Variants in FER observed in about 807,000 individuals in gnomAD.
FER encodes the protein tyrosine-protein kinase Fer.
In FER, 63 loss-of-function variants were observed where a neutral mutation model predicts 111.0. The observed-to-expected ratio is 0.57, with a 90% CI of 0.46 to 0.70. The LOEUF (loss-of-function observed/expected upper bound fraction) is 0.70, where lower values mean the gene tolerates loss of function less well. Among genes scored for constraint, FER ranks in the 30% least tolerant of loss-of-function variants. The pLI, the probability that FER is intolerant of heterozygous loss-of-function variation, is 0.00. For synonymous variants in FER, 327 were observed against 313.9 expected (o/e 1.04, Z -0.44); for missense variants, 914 against 954.0 (o/e 0.96, Z 0.55).
At chr5:108,765,201 C>T (rs1580418027) in intron 1 of FER, among the ~76,000 whole-genome samples, 2 of 151,984 alleles carry the variant, frequency 1.3e-5, no homozygotes, top group South Asian at 2.1e-4. Context: ...TTTGAAGTAA[C>T]GCAAGGAATA....
chr5:108,794,522 C>CCG (rs1326846102), intron 2 of FER, among the ~76,000 whole-genome samples: 1 of 25,948 alleles, frequency 3.9e-5, no homozygotes, highest in Non-Finnish European at 9.2e-5. Context: ...CTTGCCCCCT[C>CCG]CGCACCCCCC....
chr5:109,090,891 A>G (rs749569616), intron 16 of FER, among the ~76,000 whole-genome samples: 11 of 152,190 alleles, frequency 7.2e-5, no homozygotes, highest in Non-Finnish European at 1.3e-4. Context: ...GGGATTTTCA[A>G]AGGATAAAAG....
intron 17 of FER, among the ~76,000 whole-genome samples, chr5:109,102,348 C>A (rs1166663151): frequency 6.6e-6 from 1 of 152,068 alleles, no homozygotes. Flanking sequence ...ACATCTTGAA[C>A]AATGTCAGTG....
At chr5:109,079,902 G>T (rs1343410901) in intron 16 of FER, among the ~76,000 whole-genome samples, 1 of 152,046 alleles carries the variant, frequency 6.6e-6, no homozygotes, top group East Asian at 1.9e-4. Context: ...TGCTTTTCTA[G>T]CAGTTTCTGA....
intron 17 of FER, among the ~76,000 whole-genome samples, chr5:109,113,338 G>A (rs1009619039): frequency 2.6e-5 from 4 of 151,988 alleles, no homozygotes; most frequent in African/African-American, 9.7e-5. Flanking sequence ...ATACAGAAAA[G>A]GTGTAGACTA....
chr5:108,924,627 G>T, intron 10 of FER: 3 of 1,231,394 alleles, frequency 2.4e-6, no homozygotes, highest in Non-Finnish European at 3.0e-6. Context: ...ACTTCCTTGG[G>T]CCCACTGTCA....
At chr5:108,993,610 A>C (rs183226977) in intron 13 of FER, among the ~76,000 whole-genome samples, 75 of 107,468 alleles carry the variant, frequency 7.0e-4, no homozygotes, top group African/African-American at 1.8e-3. Flanking sequence ...AGGGCGAGGG[A>C]GAGGGCAAGG....
At chr5:109,022,732 CAAAT>C (rs1339880093) in intron 13 of FER, among the ~76,000 whole-genome samples, 11 of 152,072 alleles carry the variant, frequency 7.2e-5, no homozygotes, top group African/African-American at 2.6e-4. Context: ...TAGAGGAAAA[CAAAT>C]AAGTTTTAAC....
chr5:108,817,193 C>T (rs1021351465), intron 3 of FER, among the ~76,000 whole-genome samples: 6 of 143,228 alleles, frequency 4.2e-5, no homozygotes, highest in Admixed American at 1.5e-4. Flanking sequence ...CCAGGGAAAC[C>T]GTGAAGCTTT....
chr5:109,035,721 C>T (rs529187707), intron 13 of FER, among the ~76,000 whole-genome samples: 10 of 152,228 alleles, frequency 6.6e-5, no homozygotes, highest in East Asian at 1.9e-4. Flanking sequence ...TTTTCCCAAA[C>T]GCAAAAATGC....
At chr5:108,964,800 C>A (rs1759589376) in intron 13 of FER, among the ~76,000 whole-genome samples, 1 of 151,866 alleles carries the variant, frequency 6.6e-6, no homozygotes, top group Non-Finnish European at 1.5e-5. Context: ...TAGAATAGGC[C>A]ATCCAAATAA....
At chr5:108,997,651 C>T (rs973475530) in intron 13 of FER, among the ~76,000 whole-genome samples, 8 of 152,088 alleles carry the variant, frequency 5.3e-5, no homozygotes, top group African/African-American at 1.4e-4. Context: ...AGCAGAGCTC[C>T]GGTGCTGTGC....
chr5:108,954,026 A>T (rs1427408102), intron 11 of FER, among the ~76,000 whole-genome samples: 1 of 152,118 alleles, frequency 6.6e-6, no homozygotes, highest in Non-Finnish European at 1.5e-5. Flanking sequence ...TGGCCTCTTA[A>T]AATAACAGAG....
intron 16 of FER, among the ~76,000 whole-genome samples, chr5:109,066,932 T>A (rs1775163620): frequency 1.3e-5 from 2 of 152,326 alleles, no homozygotes; most frequent in South Asian, 4.1e-4. Flanking sequence ...GTGGAATCTA[T>A]TTTGTTTTAG....
At chr5:109,067,480 C>T (rs1355990631) in intron 16 of FER, among the ~76,000 whole-genome samples, 1 of 151,996 alleles carries the variant, frequency 6.6e-6, no homozygotes, top group Non-Finnish European at 1.5e-5. Context: ...CATGCATATA[C>T]ATCTTTTTAT....
chr5:109,163,833 G>A (rs1756260681), intron 17 of FER, among the ~76,000 whole-genome samples: 2 of 152,008 alleles, frequency 1.3e-5, no homozygotes, highest in South Asian at 2.1e-4. Flanking sequence ...AATATGATTT[G>A]GAATATAAGG....
At chr5:109,080,797 G>C (rs1776898751) in intron 16 of FER, among the ~76,000 whole-genome samples, 1 of 152,098 alleles carries the variant, frequency 6.6e-6, no homozygotes, top group African/African-American at 2.4e-5. Context: ...TTGTAGATCA[G>C]AGATGATTAT....
chr5:108,942,666 A>C lies in FER; in HGVS notation c.1237-3464A>C, dbSNP rs1016010156. Among the ~76,000 whole-genome samples, 6 of 152,208 alleles carry C rather than the reference A, an allele frequency of 3.9e-5. No homozygotes were observed. In the South Asian group the frequency reaches 1.0e-3, roughly 26 times the overall value. On this transcript the variant is annotated intron_variant, in intron 10 of 19. Coordinates refer to ENST00000281092, the MANE Select transcript of FER (RefSeq NM_005246.4). ...TTGTGCCCAGCAAATCAGCATTTTC[A>C]AAACCTTAGGTTACTTACTTATAAA...
chr5:109,104,658 A>G (rs1055991503), intron 17 of FER, among the ~76,000 whole-genome samples: 3 of 152,206 alleles, frequency 2.0e-5, no homozygotes, highest in Admixed American at 6.5e-5. Context: ...TATGAATTTT[A>G]ACTGAAAAAA....
Sources: allele counts gnomAD v4.1 joint callset (sites outside exome capture counted in the v4.1 genomes callset), GRCh38; gene constraint gnomAD v4.1.1; transcripts MANE v1.5; gene names NCBI Gene and HGNC (gene_info 2026-07-23, HGNC 2026-07-21).